The following PCDHA5 variants were observed in gnomAD, a reference collection of about 807,000 sequenced individuals.
The protein encoded by PCDHA5 is protocadherin alpha 5, also known as protocadherin alpha-5.
Under a neutral mutation model 61.6 loss-of-function variants are expected in PCDHA5, and 43 were observed. The observed-to-expected ratio is 0.70, with a 90% CI of 0.55 to 0.90. The LOEUF (loss-of-function observed/expected upper bound fraction) is 0.90. Ranked by LOEUF, PCDHA5 falls within the 40% of genes least tolerant of loss-of-function variation. PCDHA5 has a pLI of 0.00. For synonymous variants in PCDHA5, 627 were observed against 543.9 expected, an observed-to-expected ratio of 1.15 and a Z score of -2.13; for missense variants, 1,298 against 1,222.7, an observed-to-expected ratio of 1.06 and a Z score of -0.92.
intron 1 of PCDHA5, among the ~76,000 whole-genome samples, chr5:140,926,036 C>A (rs2082873940): frequency 6.6e-6 from 1 of 152,168 alleles, no homozygotes; most frequent in South Asian, 2.1e-4. Context: ...TTGATGCGGA[C>A]ACTATTCCCC....
chr5:140,821,613 A>G lies in PCDHA5; in HGVS notation c.-163A>G. ...CCAGCCTCAAAGGAATACAGTGAGT[A>G]GATTTTCCTTAGACAGAAAGGAAAA... is the stretch of plus-strand genomic sequence containing the variant. On this transcript the variant is annotated 5_prime_UTR_variant, in exon 1 of 4. Coordinates refer to ENST00000529859, the MANE Select transcript of PCDHA5 (RefSeq NM_018908.3). 1 of 802,296 alleles carries G rather than the reference A, an allele frequency of 1.2e-6. No homozygotes were observed. 49.7% of individuals were successfully genotyped at this position (802,296 alleles called of 1,614,324 possible).
chr5:140,880,528 A>T lies in PCDHA5; in HGVS notation c.2352+56401A>T, dbSNP rs539592135. ...GTTTGGTCACATCTCTCAATGTGTGAATCATCTGAAAGTGAACTGATGGAA... is the reference window on the plus strand; with the variant it reads ...GTTTGGTCACATCTCTCAATGTGTGTATCATCTGAAAGTGAACTGATGGAA... On this transcript the variant is annotated intron_variant, in intron 1 of 3. Coordinates refer to ENST00000529859, the MANE Select transcript of PCDHA5 (RefSeq NM_018908.3). 7.9e-5 allele frequency among the ~76,000 whole-genome samples: 12 copies of T among 152,354 alleles called. No homozygotes were observed. The East Asian group carries it at 2.3e-3, about 29-fold the overall frequency.
intron 1 of PCDHA5, chr5:140,864,944 T>C (rs1359231248): frequency 1.3e-5 from 2 of 152,162 alleles, no homozygotes; most frequent in Non-Finnish European, 2.9e-5. Flanking sequence ...AGGCCTGTAA[T>C]CCCAGCATTT....
At chr5:140,856,964 G>A in intron 1 of PCDHA5, 1 of 1,590,750 alleles carries the variant, frequency 6.3e-7, no homozygotes, top group Non-Finnish European at 8.6e-7. Flanking sequence ...AGTAAATGAT[G>A]CTATTGACTT....
intron 1 of PCDHA5, among the ~76,000 whole-genome samples, chr5:140,948,015 C>CCTTTT (rs71276332): frequency 0.56 from 84,575 of 150,344 alleles, 24,313 homozygotes; most frequent in African/African-American, 0.69. Context: ...TAGGAAGTAC[C>CCTTTT]CTTTCTGGTT....
At chr5:140,928,994 T>G (rs781964406) in intron 1 of PCDHA5, 2 of 1,613,992 alleles carry the variant, frequency 1.2e-6, no homozygotes, top group Admixed American at 3.3e-5. Flanking sequence ...TGCTTACTTT[T>G]CTTCGTGTGT....
intron 3 of PCDHA5, among the ~76,000 whole-genome samples, chr5:140,985,577 G>GC (rs1195077647): frequency 6.6e-6 from 1 of 152,116 alleles, no homozygotes; most frequent in Non-Finnish European, 1.5e-5. Flanking sequence ...TGGTGCCTAA[G>GC]CCTCCTTATA....
chr5:141,009,712 C>T lies in PCDHA5; in HGVS notation c.2586C>T (p.Pro862=). The T allele has an allele frequency of 1.2e-6, 2 of 1,614,156 alleles. No individual in the cohort carries two copies. Among genetic ancestry groups the T allele is most frequent in the African/African-American group, 1.3e-5 (1 of 75,034 alleles). ...CCTTTAAATACGGACCAGGCAACCC[C>T]AAACAATCCGGTCCCGGTGAGTTGC... is the stretch of plus-strand genomic sequence containing the variant. ...SWTFKYGPGN[P]KQSGPGELPD... is the part of the protein sequence containing the mutation. The change falls in exon 4 of 4, where the codon CCC becomes CCT. Residue 862 remains proline (P), a synonymous_variant. Transcript: ENST00000529859.
chr5:140,832,186 C>T (rs1186762604), intron 1 of PCDHA5, among the ~76,000 whole-genome samples: 1 of 152,198 alleles, frequency 6.6e-6, no homozygotes, highest in African/African-American at 2.4e-5. Context: ...ATTCAAAAGA[C>T]ATTTAACCTG....
intron 1 of PCDHA5, chr5:140,828,072 T>C (rs2150150600): frequency 1.3e-6 from 2 of 1,566,666 alleles, no homozygotes; most frequent in Non-Finnish European, 1.7e-6. Flanking sequence ...CTAATGGAAA[T>C]AAAACCAGAG....
At chr5:140,933,392 T>C (rs1298872630) in intron 1 of PCDHA5, among the ~76,000 whole-genome samples, 3 of 152,044 alleles carry the variant, frequency 2.0e-5, no homozygotes, top group Non-Finnish European at 2.9e-5. Context: ...CCTAGAGCCA[T>C]CTGGTTACCA....
At chr5:140,946,872 T>C (rs983892070) in intron 1 of PCDHA5, among the ~76,000 whole-genome samples, 7 of 151,402 alleles carry the variant, frequency 4.6e-5, no homozygotes, top group Admixed American at 1.3e-4. Flanking sequence ...GGTTGGTCAA[T>C]GGGTACGAAG....
At position 141,012,035 on chromosome 5, in the gene PCDHA5, G is replaced by A. The variant is rs908623831; in HGVS notation, c.*2098G>A. The A allele has an allele frequency of 1.3e-5, 2 of 153,684 alleles. No individual in the cohort carries two copies. The highest frequency in any genetic ancestry group is 2.9e-5 in the Non-Finnish European group (2 of 68,026). The allele number at this position is 153,684 out of a possible 1,614,324, so 9.5% of individuals were successfully genotyped here. A position where few individuals can be genotyped will look rare whatever the true frequency, so the allele number is the denominator to read the frequency against. On this transcript the variant is annotated 3_prime_UTR_variant, in exon 4 of 4. Coordinates refer to ENST00000529859, the MANE Select transcript of PCDHA5 (RefSeq NM_018908.3). The stretch of plus-strand genomic sequence containing the variant: ...TGTGTAACTTCAGCTCTGCAGGATT[G>A]CATGGGGTAAAACTTGTTACCAACA...
At chr5:140,854,380 A>G (rs2043104788) in intron 1 of PCDHA5, 1 of 155,922 alleles carries the variant, frequency 6.4e-6, no homozygotes, top group African/African-American at 2.4e-5. Context: ...TACATAACTC[A>G]TTACATTTTA....
At chr5:140,941,224 T>TTTCTTTC in intron 1 of PCDHA5, among the ~76,000 whole-genome samples, 1 of 137,372 alleles carries the variant, frequency 7.3e-6, no homozygotes, top group Non-Finnish European at 1.6e-5. Flanking sequence ...CCTTTCTTTC[T>TTTCTTTC]TTCTTTCTTT....
intron 1 of PCDHA5, chr5:140,877,261 G>T: frequency 6.2e-7 from 1 of 1,613,814 alleles, no homozygotes; most frequent in South Asian, 1.1e-5. Context: ...AGTGCGCGCG[G>T]TGGACGCTGA....
intron 1 of PCDHA5, among the ~76,000 whole-genome samples, chr5:140,923,449 G>A (rs189150090): frequency 6.6e-6 from 1 of 152,166 alleles, no homozygotes; most frequent in African/African-American, 2.4e-5. Flanking sequence ...GATCACCTGA[G>A]CCCAGAGAGG....
Position 141,009,910 on chromosome 5 carries a change from C to G in PCDHA5, c.2784C>G (p.Asn928Lys), listed in dbSNP as rs1554262551. ...CCCAGGAGAAAAAAGAGAAAGGGAA[C>G]AGCACGACTGACAACAGTGACCAGT... The part of the protein sequence containing the change: ...NKTQEKKEKG[N>K]STTDNSDQ Residue 928 changes from asparagine to lysine, a missense_variant, in exon 4 of 4, where the codon AAC (asparagine) becomes AAG (lysine). Physicochemically the swap from Asn to Lys is moderately conservative, Grantham distance 94 (BLOSUM62 0). Transcript: ENST00000529859. 28 of 1,612,616 alleles carry G rather than the reference C, an allele frequency of 1.7e-5. No homozygotes were observed. Among genetic ancestry groups the G allele is most frequent in the African/African-American group, 5.4e-5 (4 of 74,736 alleles).
intron 1 of PCDHA5, among the ~76,000 whole-genome samples, chr5:140,949,849 G>A (rs1381006146): frequency 5.9e-5 from 9 of 151,472 alleles, no homozygotes; most frequent in Admixed American, 2.0e-4. Flanking sequence ...TTCTGTTTCC[G>A]CTTATCTGTT....
Sources: allele counts gnomAD v4.1 joint callset (sites outside exome capture counted in the v4.1 genomes callset), GRCh38; gene constraint gnomAD v4.1.1; transcripts MANE v1.5; gene names NCBI Gene and HGNC (gene_info 2026-07-23, HGNC 2026-07-21).